KCNQ1: variants seen among roughly 807,000 people sequenced by gnomAD.
KCNQ1 encodes potassium voltage-gated channel subfamily KQT member 1.
KCNQ1 carries 49 observed loss-of-function variants against 72.4 expected under a neutral mutation model. The ratio of observed to expected loss-of-function variants is 0.68; its 90% CI spans 0.54 to 0.86. The LOEUF is 0.86. KCNQ1 is among the 40% of genes least tolerant of loss of function. KCNQ1 has a pLI of 0.00. For missense variants in KCNQ1, 790 were observed against 945.1 expected (o/e 0.84, Z 2.15); for synonymous variants, 450 against 412.6 (o/e 1.09, Z -1.10).
rs1183687413 is a variant in KCNQ1, at chr11:2,826,925, C to A, written c.1795-20842C>A. On this transcript the variant is annotated intron_variant, in intron 15 of 15. Transcript: ENST00000155840. This position sits in a 1 kb window ranked among gnomAD's most constrained non-coding sequence, Gnocchi z 4.2. ...GGAGGAAGAAAGCCAGGCAGGTGGC[C>A]CATGAGCCGTGGAGTAGGTGGGGAA... Among the ~76,000 whole-genome samples the A allele has an allele frequency of 1.3e-5, 2 of 152,154 alleles. No individual in the cohort carries two copies. The highest frequency in any genetic ancestry group is 3.9e-4 in the East Asian group (2 of 5,192).
Position 2,651,767 on chromosome 11 carries a change from T to G in KCNQ1, c.1394-10194T>G, listed in dbSNP as rs1484525457. ...CTGATTACTGGAAATTCCTCAAGTG[T>G]TGACCATTTTGATTCCTGGGCCCCT... On this transcript the variant is annotated intron_variant, in intron 10 of 15. Coordinates refer to ENST00000155840, the MANE Select transcript of KCNQ1 (RefSeq NM_000218.3). The surrounding 1 kb of genome is among the most constrained non-coding windows in gnomAD (Gnocchi z 6.1). 4 of 398,582 alleles carry G rather than the reference T, an allele frequency of 1.0e-5. No individual in the cohort carries two copies. In the East Asian group the frequency reaches 1.4e-4, roughly 14 times the overall value. The allele number at this position is 398,582 out of a possible 1,614,324, so 24.7% of individuals were successfully genotyped here. A position where few individuals can be genotyped will look rare whatever the true frequency, so the allele number is the denominator to read the frequency against.
At chr11:2,749,899 C>T (rs2133961590) in intron 11 of KCNQ1, among the ~76,000 whole-genome samples, 1 of 151,350 alleles carries the variant, frequency 6.6e-6, no homozygotes, top group African/African-American at 2.4e-5. Flanking sequence ...AACACTTGAA[C>T]CCGTGAGTTG....
chr11:2,660,043 G>C (rs1044684688), intron 10 of KCNQ1: 1 of 398,306 alleles, frequency 2.5e-6, no homozygotes, highest in African/African-American at 2.1e-5. Context: ...TTTTAATTTT[G>C]ATAAAGTCCA....
Position 2,703,390 on chromosome 11 carries a change from A to C in KCNQ1, c.1514+41309A>C, listed in dbSNP as rs1471773105. ...TCTCCTTTTGTGTCTGGTTTGCCTC[A>C]TCTGTACATGGTAGGGGCTGAGCTA... On this transcript the variant is annotated intron_variant, in intron 11 of 15. Coordinates refer to ENST00000155840, the MANE Select transcript of KCNQ1 (RefSeq NM_000218.3). The surrounding 1 kb of genome is among the most constrained non-coding windows in gnomAD (Gnocchi z 6.4). Among the ~76,000 whole-genome samples the C allele has an allele frequency of 6.6e-6, 1 of 152,118 alleles. No homozygotes were observed. The highest frequency in any genetic ancestry group is 1.5e-5 in the Non-Finnish European group (1 of 68,026).
chr11:2,707,000 C>T (rs1233087208), intron 11 of KCNQ1, among the ~76,000 whole-genome samples: 1 of 152,120 alleles, frequency 6.6e-6, no homozygotes, highest in Non-Finnish European at 1.5e-5. Flanking sequence ...CTTTTCTCCC[C>T]AAGAGAACAC....
Position 2,676,114 on chromosome 11 carries a change from A to G in KCNQ1, c.1514+14033A>G, listed in dbSNP as rs964870310. 1 of 398,542 alleles carries G rather than the reference A, an allele frequency of 2.5e-6. No individual in the cohort carries two copies. The highest frequency in any genetic ancestry group is 4.4e-6 in the Non-Finnish European group (1 of 226,074). The allele number at this position is 398,542 out of a possible 1,614,324, so 24.7% of individuals were successfully genotyped here. ...CTGTGTGTGCATGTACTTAGTAGAT[A>G]CGGCTCCTTTTTATACAAATGGTAG... On this transcript the variant is annotated intron_variant, in intron 11 of 15. Transcript: ENST00000155840. This position sits in a 1 kb window ranked among gnomAD's most constrained non-coding sequence, Gnocchi z 4.2.
At chr11:2,517,575 C>T (rs1382434597) in intron 1 of KCNQ1, among the ~76,000 whole-genome samples, 5 of 152,224 alleles carry the variant, frequency 3.3e-5, no homozygotes, top group Non-Finnish European at 7.4e-5. Flanking sequence ...GACATCCAGG[C>T]ATGTGGCGTG....
At position 2,645,764 on chromosome 11, in the gene KCNQ1, AT is replaced by A. The variant is rs1849656076; in HGVS notation, c.1394-16196del. The stretch of plus-strand genomic sequence containing the variant: ...GGGGCTCCAGGGATGAGATAGAGGG[AT>A]GTGGGGCCCACAGCAGATGCAGTCT... On this transcript the variant is annotated intron_variant, in intron 10 of 15. Transcript: ENST00000155840. The surrounding 1 kb of genome is among the most constrained non-coding windows in gnomAD (Gnocchi z 5.8). 7.5e-6 allele frequency: 3 copies of A among 398,542 alleles called. No homozygotes were observed. The highest frequency in any genetic ancestry group is 2.1e-5 in the African/African-American group (1 of 48,566). The allele number at this position is 398,542 out of a possible 1,614,324, so 24.7% of individuals were successfully genotyped here.
rs1848120128 is a variant in KCNQ1, at chr11:2,559,162, G to A, written c.478-11466G>A. On this transcript the variant is annotated intron_variant, in intron 2 of 15. Transcript: ENST00000155840. This position sits in a 1 kb window ranked among gnomAD's most constrained non-coding sequence, Gnocchi z 4.9. Reference sequence around the variant, plus strand: ...AGGAGTGTCCCTTGAGCAAAATATTGCACTTTCGTTGCTCTCTGAAAGCCT... The same window carrying A: ...AGGAGTGTCCCTTGAGCAAAATATTACACTTTCGTTGCTCTCTGAAAGCCT... Among the ~76,000 whole-genome samples the A allele has an allele frequency of 6.6e-6, 1 of 152,024 alleles. No homozygotes were observed. Among genetic ancestry groups the A allele is most frequent in the Non-Finnish European group, 1.5e-5 (1 of 67,990 alleles).
chr11:2,616,508 C>CA (rs1209865592), intron 10 of KCNQ1: 4 of 397,440 alleles, frequency 1.0e-5, no homozygotes, highest in Non-Finnish European at 1.8e-5. Context: ...TCTTCTTTTT[C>CA]AGTGTGGGCA....
intron 2 of KCNQ1, among the ~76,000 whole-genome samples, chr11:2,530,676 T>C (rs999621816): frequency 3.9e-5 from 6 of 152,206 alleles, no homozygotes; most frequent in African/African-American, 1.4e-4. Context: ...CTTTCACGCA[T>C]GTTTGGCTCT....
rs902349882 is a variant in KCNQ1, at chr11:2,601,928, C to T, written c.1393+13074C>T. On this transcript the variant is annotated intron_variant, in intron 10 of 15. Transcript: ENST00000155840. The surrounding 1 kb of genome is among the most constrained non-coding windows in gnomAD (Gnocchi z 5.2). ...TAACGCCTAGAACCTGTGACTATCG[C>T]CTTCTATGGCAAAGGGCACTCTGCA... Among the ~76,000 whole-genome samples the T allele has an allele frequency of 2.6e-5, 4 of 152,130 alleles. No individual in the cohort carries two copies. The highest frequency in any genetic ancestry group is 5.9e-5 in the Non-Finnish European group (4 of 68,024).
chr11:2,827,154 G>C lies in KCNQ1; in HGVS notation c.1795-20613G>C, dbSNP rs1236599199. ...TCGTGTTGCTGTCCCCCAGGTAGGA[G>C]ATAAGGGACCAGAGTCAGGGCAGGT... On this transcript the variant is annotated intron_variant, in intron 15 of 15. Coordinates refer to ENST00000155840, the MANE Select transcript of KCNQ1 (RefSeq NM_000218.3). The surrounding 1 kb of genome is among the most constrained non-coding windows in gnomAD (Gnocchi z 6.7). Among the ~76,000 whole-genome samples the C allele has an allele frequency of 9.2e-5, 14 of 152,214 alleles. No individual in the cohort carries two copies. The highest frequency in any genetic ancestry group is 9.2e-4 in the Admixed American group (14 of 15,284).
At chr11:2,843,804 T>G (rs533885493) in intron 15 of KCNQ1, among the ~76,000 whole-genome samples, 2 of 152,344 alleles carry the variant, frequency 1.3e-5, no homozygotes, top group South Asian at 2.1e-4. Context: ...TCTAATTGCT[T>G]TTTTCTCTTC....
In KCNQ1 at chr11:2,494,787, T is replaced by C. The variant is rs1846884132; in HGVS notation, c.387-33141T>C. 6.6e-6 allele frequency among the ~76,000 whole-genome samples: 1 copy of C among 152,206 alleles called. No homozygotes were observed. Among genetic ancestry groups the C allele is most frequent in the South Asian group, 2.1e-4 (1 of 4,826 alleles). Reference sequence around the variant, plus strand: ...TTGCATCGGTGCTCATCAGGGATATTGGCCTGAAGTTTTCTTTTTTTGTGT... The same window carrying C: ...TTGCATCGGTGCTCATCAGGGATATCGGCCTGAAGTTTTCTTTTTTTGTGT... On this transcript the variant is annotated intron_variant, in intron 1 of 15. Coordinates refer to ENST00000155840, the MANE Select transcript of KCNQ1 (RefSeq NM_000218.3). The surrounding 1 kb of genome is among the most constrained non-coding windows in gnomAD (Gnocchi z 4.6).
intron 15 of KCNQ1, among the ~76,000 whole-genome samples, chr11:2,790,508 A>G (rs1053323649): frequency 4.6e-5 from 7 of 152,178 alleles, no homozygotes; most frequent in African/African-American, 1.7e-4. Flanking sequence ...CTGTGCACAC[A>G]GGGCCACACA....
chr11:2,706,252 G>A (rs766473909), intron 11 of KCNQ1, among the ~76,000 whole-genome samples: 4 of 152,236 alleles, frequency 2.6e-5, no homozygotes, highest in African/African-American at 4.8e-5. Context: ...ACTAGGCCTT[G>A]CAGCCTCCCT....
At position 2,674,025 on chromosome 11, in the gene KCNQ1, G is replaced by A. The variant is rs1006820422; in HGVS notation, c.1514+11944G>A. On this transcript the variant is annotated intron_variant, in intron 11 of 15. Transcript: ENST00000155840. The surrounding 1 kb of genome is among the most constrained non-coding windows in gnomAD (Gnocchi z 5.9). ...CCCTCCGTGCTTTCTGGCTCTTTGG[G>A]CCTGGGGTGCAGCCCCTCATTTGTA... 3.0e-5 allele frequency: 12 copies of A among 398,532 alleles called. No individual in the cohort carries two copies. Among genetic ancestry groups the A allele is most frequent in the African/African-American group, 2.3e-4 (11 of 48,734 alleles). The allele number at this position is 398,532 out of a possible 1,614,324, so 24.7% of individuals were successfully genotyped here. A position where few individuals can be genotyped will look rare whatever the true frequency, so the allele number is the denominator to read the frequency against.
chr11:2,534,581 C>T (rs1465354352), intron 2 of KCNQ1, among the ~76,000 whole-genome samples: 2 of 152,220 alleles, frequency 1.3e-5, no homozygotes, highest in South Asian at 2.1e-4. Flanking sequence ...GCTTCGGGGG[C>T]AACTCCCCAC....
Sources: allele counts gnomAD v4.1 joint callset (sites outside exome capture counted in the v4.1 genomes callset), GRCh38; gene constraint gnomAD v4.1.1; non-coding constraint Gnocchi (gnomAD v3.1); transcripts MANE v1.5; gene names NCBI Gene and HGNC (gene_info 2026-07-23, HGNC 2026-07-21).